Variants in ESYT3 observed in about 807,000 individuals in gnomAD.
The protein encoded by ESYT3 is extended synaptotagmin 3.
In ESYT3, 101 loss-of-function variants were observed where a neutral mutation model predicts 111.5. The observed-to-expected ratio is 0.91, with a 90% confidence interval of 0.77 to 1.07. ESYT3 has a LOEUF of 1.07. ESYT3 is among the 50% of genes least tolerant of loss of function. The pLI is 0.00. For synonymous variants in ESYT3, 416 were observed against 446.8 expected (o/e 0.93, Z 0.87); for missense variants, 1,097 against 1,109.4 (o/e 0.99, Z 0.16).
intron 22 of ESYT3, 129 bp from the exon 23 acceptor site, chr3:138,476,689 G>T: frequency 8.9e-7 from 1 of 1,118,790 alleles, no homozygotes; most frequent in Non-Finnish European, 1.3e-6. Flanking sequence ...AACCCTGGCT[G>T]GCCAACTTAC....
intron 20 of ESYT3, 88 bp downstream of exon 20, chr3:138,474,440 G>A: frequency 7.1e-7 from 1 of 1,411,560 alleles, no homozygotes; most frequent in Non-Finnish European, 9.6e-7. Flanking sequence ...CCTGCCAGAT[G>A]CTGGAAGGGG....
At chr3:138,459,319 C>A in intron 5 of ESYT3, 66 bp downstream of exon 5, 2 of 1,333,144 alleles carry the variant, frequency 1.5e-6, no homozygotes, top group Non-Finnish European at 2.1e-6. Context: ...GAAGGGGAAG[C>A]CAGGTCATGC....
chr3:138,473,975 A>G (rs1052293570), intron 19 of ESYT3, among the ~76,000 whole-genome samples: 1 of 152,260 alleles, frequency 6.6e-6, no homozygotes, highest in Admixed American at 6.5e-5. Context: ...AGCATTATAA[A>G]GATGCGTGTT....
intron 3 of ESYT3, among the ~76,000 whole-genome samples, chr3:138,456,640 C>T (rs1281316389): frequency 6.6e-6 from 1 of 152,174 alleles, no homozygotes; most frequent in Admixed American, 6.5e-5. Context: ...CTTATAGGAG[C>T]ACAAACCCTG....
chr3:138,465,422 G>A lies in ESYT3; in HGVS notation c.1169+1G>A. On this transcript the variant is annotated splice_donor_variant, in intron 10 of 22. Transcript: ENST00000389567. LOFTEE classifies it high-confidence loss of function. ...CCGACAGGGATGACTTCCTGGGCAG[G>A]TGAGGAGGAGGGCGCACAGCTGGGC... 1 of 1,586,964 alleles carries A rather than the reference G, an allele frequency of 6.3e-7. No homozygotes were observed.
intron 1 of ESYT3, among the ~76,000 whole-genome samples, chr3:138,451,337 GA>G (rs774234446): frequency 1.7e-4 from 26 of 152,200 alleles, no homozygotes; most frequent in Non-Finnish European, 2.9e-4. Flanking sequence ...GCAGAGGTGG[GA>G]GGGGCGCCCC....
At chr3:138,458,090 G>A (rs2032397431) in intron 4 of ESYT3, among the ~76,000 whole-genome samples, 1 of 152,148 alleles carries the variant, frequency 6.6e-6, no homozygotes, top group South Asian at 2.1e-4. Context: ...GTTCATAATG[G>A]GTGTGAGTCA....
rs2033514538 is a variant in ESYT3 at position 138,476,930 on chromosome 3, C to T, written c.*76C>T. 2.7e-6 allele frequency: 3 copies of T among 1,109,684 alleles called. No individual in the cohort carries two copies. Among genetic ancestry groups the T allele is most frequent in the Admixed American group, 2.2e-5 (1 of 45,016 alleles). 68.7% of individuals were successfully genotyped at this position (1,109,684 alleles called of 1,614,324 possible). On this transcript the variant is annotated 3_prime_UTR_variant, in exon 23 of 23. Coordinates refer to ENST00000389567, the MANE Select transcript of ESYT3 (RefSeq NM_031913.5). ...TATATTTTTTCCTTTGGATCACTTACATCCAATATATGTATATTTTGTCAT... is the reference window on the plus strand; with the variant it reads ...TATATTTTTTCCTTTGGATCACTTATATCCAATATATGTATATTTTGTCAT...
intron 1 of ESYT3, among the ~76,000 whole-genome samples, chr3:138,438,549 C>T (rs960231943): frequency 2.6e-5 from 4 of 152,208 alleles, no homozygotes; most frequent in South Asian, 2.1e-4. Flanking sequence ...AGGCAGCCAT[C>T]GTCAGCCAGT....
At chr3:138,457,698 A>G in intron 4 of ESYT3, 54 bp downstream of exon 4, 2 of 1,545,704 alleles carry the variant, frequency 1.3e-6, no homozygotes, top group South Asian at 1.1e-5. Context: ...CACAGTGGGA[A>G]CAGCCAGTTT....
At chr3:138,464,195 C>T in intron 8 of ESYT3, 150 bp from the exon 9 acceptor site, 1 of 847,246 alleles carries the variant, frequency 1.2e-6, no homozygotes, top group Non-Finnish European at 1.8e-6. Context: ...TTGGCCAGGT[C>T]ACTGCCGTAT....
At position 138,459,265 on chromosome 3, in the gene ESYT3, C is replaced by T; in HGVS notation, c.648+12C>T. 1 of 1,540,880 alleles carries T rather than the reference C, an allele frequency of 6.5e-7. No homozygotes were observed. The highest frequency in any genetic ancestry group is 8.8e-7 in the Non-Finnish European group (1 of 1,135,486). On this transcript the variant is annotated intron_variant, in intron 5 of 22. Coordinates refer to ENST00000389567, the MANE Select transcript of ESYT3 (RefSeq NM_031913.5). ...TGAACGGGATCCAGGTGGGTGGAGC[C>T]CGGTGGGGCTGCCTCTGTTCCAGCC...
chr3:138,452,571 A>G (rs1335133170), intron 2 of ESYT3, among the ~76,000 whole-genome samples: 1 of 152,144 alleles, frequency 6.6e-6, no homozygotes, highest in Admixed American at 6.5e-5. Flanking sequence ...CTGTTAGGTC[A>G]CCCCTGGGAA....
intron 22 of ESYT3, 138 bp downstream of exon 22, chr3:138,476,630 A>T: frequency 9.6e-7 from 1 of 1,044,498 alleles, no homozygotes. Flanking sequence ...CTGCCTGCAG[A>T]TCTCACTGAT....
intron 8 of ESYT3, among the ~76,000 whole-genome samples, 182 bp from the exon 9 acceptor site, chr3:138,464,163 T>A (rs567279983): frequency 6.6e-6 from 1 of 152,326 alleles, no homozygotes; most frequent in East Asian, 1.9e-4. Context: ...GAGAGAGCCC[T>A]GCCATCACTT....
Position 138,478,565 on chromosome 3 carries a change from A to AT in ESYT3, c.*1711_*1712insT, listed in dbSNP as rs1178799289. On this transcript the variant is annotated 3_prime_UTR_variant, in exon 23 of 23. Coordinates refer to ENST00000389567, the MANE Select transcript of ESYT3 (RefSeq NM_031913.5). Reference sequence around the variant, plus strand: ...AGCTAATCAAAATGGCAGATAAGTGAAAACCTACCCCTCTTCTTCCAAACT... The same window carrying AT: ...AGCTAATCAAAATGGCAGATAAGTGATAAACCTACCCCTCTTCTTCCAAACT... 2.0e-5 allele frequency: 3 copies of AT among 152,370 alleles called. No individual in the cohort carries two copies. Among genetic ancestry groups the AT allele is most frequent in the Admixed American group, 2.0e-4 (3 of 15,310 alleles). 9.4% of individuals were successfully genotyped at this position (152,370 alleles called of 1,614,324 possible).
At chr3:138,448,296 C>CAAAAAA (rs2031694654) in intron 1 of ESYT3, among the ~76,000 whole-genome samples, 2 of 120,536 alleles carry the variant, frequency 1.7e-5, no homozygotes, top group African/African-American at 7.0e-5. Flanking sequence ...AAAAAAAATG[C>CAAAAAA]AGGGGAGGGG....
chr3:138,474,491 G>T (rs975624970), intron 20 of ESYT3, 139 bp downstream of exon 20: 3 of 946,310 alleles, frequency 3.2e-6, no homozygotes, highest in Admixed American at 3.4e-5. Flanking sequence ...ACTTCATGAA[G>T]CTTCTGTACG....
intron 20 of ESYT3, 117 bp downstream of exon 20, chr3:138,474,469 A>G: frequency 3.3e-6 from 4 of 1,201,516 alleles, no homozygotes; most frequent in Non-Finnish European, 4.6e-6. Context: ...GAACAAGACA[A>G]CATAGTCTAT....
Sources: allele counts gnomAD v4.1 joint callset (sites outside exome capture counted in the v4.1 genomes callset), GRCh38; gene constraint gnomAD v4.1.1; transcripts MANE v1.5; gene names NCBI Gene and HGNC (gene_info 2026-07-23, HGNC 2026-07-21).